Variants in COL16A1 observed in about 807,000 individuals in gnomAD.
COL16A1 encodes collagen alpha-1(XVI) chain.
Under a neutral mutation model 266.3 loss-of-function variants are expected in COL16A1, and 189 were observed. That is an observed-to-expected ratio of 0.71 (90% confidence interval 0.63 to 0.80). The LOEUF is 0.80. Among genes scored for constraint, COL16A1 ranks in the 30% least tolerant of loss-of-function variants. The pLI is 0.00. For synonymous variants in COL16A1, 740 were observed against 782.3 expected (o/e 0.95, Z 0.90); for missense variants, 1,928 against 2,122.4 (o/e 0.91, Z 1.80).
intron 66 of COL16A1, 38 bp from the exon 67 acceptor site, chr1:31,655,540 C>T (rs1331054824): frequency 1.9e-6 from 3 of 1,608,582 alleles, no homozygotes; most frequent in African/African-American, 2.7e-5. Flanking sequence ...AAATTTACAT[C>T]ATGATGTCTC....
At chr1:31,660,954 T>C (rs934597565) in intron 61 of COL16A1, 112 bp downstream of exon 61, 13 of 1,229,956 alleles carry the variant, frequency 1.1e-5, no homozygotes, top group Admixed American at 1.0e-4. Context: ...CCCAGAAGGC[T>C]GAGGACAGAA....
rs751955971 is a variant in COL16A1 at position 31,658,539 on chromosome 1, G to T, written c.3969C>A (p.Gly1323=). 16 of 1,604,916 alleles carry T rather than the reference G, an allele frequency of 1.0e-5. No homozygotes were observed. The highest frequency in any genetic ancestry group is 6.8e-5 in the South Asian group (6 of 88,616). The part of the protein sequence containing the change: ...KGDRGATGER[G]LAGLPGQPGP... ...CGGGCTGGCCTGGGAGGCCTGCAAGGCCCCTTTCTCCGGTGGCTCCTCGGT... is the reference window on the plus strand; with the variant it reads ...CGGGCTGGCCTGGGAGGCCTGCAAGTCCCCTTTCTCCGGTGGCTCCTCGGT... Residue 1323 remains glycine (G), a synonymous_variant, in exon 64 of 71, where the codon GGC becomes GGA. Transcript: ENST00000373672.
chr1:31,690,579 G>A lies in COL16A1; in HGVS notation c.1438-6C>T. On this transcript the variant is annotated splice_region_variant and splice_polypyrimidine_tract_variant and intron_variant, in intron 20 of 70. Coordinates refer to ENST00000373672, the MANE Select transcript of COL16A1 (RefSeq NM_001856.4). ...CCTGGGATCCCCGAGCTGCCCTGTG[G>A]TCAGAAGAAAGGATAAGCGGGGAGC... 1 of 1,613,478 alleles carries A rather than the reference G, an allele frequency of 6.2e-7. No homozygotes were observed. Among genetic ancestry groups the A allele is most frequent in the Non-Finnish European group, 8.5e-7 (1 of 1,179,786 alleles).
At chr1:31,679,102 C>T in intron 42 of COL16A1, 1 of 218,292 alleles carries the variant, frequency 4.6e-6, no homozygotes, top group South Asian at 1.3e-4. Context: ...ATCCCATTTT[C>T]TATACTCACT....
At chr1:31,699,120 A>AACAG (rs1267387221) in intron 4 of COL16A1, among the ~76,000 whole-genome samples, 2 of 148,880 alleles carry the variant, frequency 1.3e-5, no homozygotes, top group Non-Finnish European at 3.0e-5. Flanking sequence ...CAACCAACCA[A>AACAG]ACAAACAAAC....
Position 31,695,076 on chromosome 1 carries a change from A to C in COL16A1, c.981+110T>G. The C allele has an allele frequency of 3.6e-6, 4 of 1,103,742 alleles. No homozygotes were observed. In the Middle Eastern group the frequency reaches 9.8e-4, roughly 271 times the overall value. The allele number at this position is 1,103,742 out of a possible 1,614,324, so 68.4% of individuals were successfully genotyped here. On this transcript the variant is annotated intron_variant, in intron 11 of 70. Coordinates refer to ENST00000373672, the MANE Select transcript of COL16A1 (RefSeq NM_001856.4). Reference sequence around the variant, plus strand: ...GAGATGGGCAGGGAGCGAGTGTGAAAGTGTACAAAGACCCCCTTGTCCTCA... The same window carrying C: ...GAGATGGGCAGGGAGCGAGTGTGAACGTGTACAAAGACCCCCTTGTCCTCA...
chr1:31,683,693 G>A lies in COL16A1; in HGVS notation c.2379+14C>T. The A allele has an allele frequency of 6.2e-7, 1 of 1,614,034 alleles. No homozygotes were observed. Among genetic ancestry groups the A allele is most frequent in the Non-Finnish European group, 8.5e-7 (1 of 1,179,976 alleles). ...GTGCTGAGAGGACAGGCAAAGGCAG[G>A]GCTAGAGACTCACCTGGGGTCCCTG... is the stretch of plus-strand genomic sequence containing the variant. On this transcript the variant is annotated intron_variant, in intron 34 of 70. Transcript: ENST00000373672.
chr1:31,665,300 C>T, intron 55 of COL16A1, 66 bp from the exon 56 acceptor site: 1 of 1,567,414 alleles, frequency 6.4e-7, no homozygotes, highest in Non-Finnish European at 8.6e-7. Flanking sequence ...CTTCTTTATT[C>T]TTCCTGTGCA....
intron 11 of COL16A1, 71 bp downstream of exon 11, chr1:31,695,115 C>T: frequency 6.4e-7 from 1 of 1,561,824 alleles, no homozygotes; most frequent in East Asian, 2.3e-5. Context: ...AGGAGGCTGC[C>T]AAGCCAGCTC....
rs757944105 is a variant in COL16A1, at chr1:31,697,105, C to T, written c.739-17G>A. On this transcript the variant is annotated splice_polypyrimidine_tract_variant and intron_variant, in intron 7 of 70. Coordinates refer to ENST00000373672, the MANE Select transcript of COL16A1 (RefSeq NM_001856.4). This position sits in a 1 kb window ranked among gnomAD's most constrained non-coding sequence, Gnocchi z 4.2. ...TGGGGGGCACTGTTTGGTGGAAGAG[C>T]GGGGCTAGGGTCAGTACAGGAGCAG... The T allele has an allele frequency of 1.7e-5, 28 of 1,613,880 alleles. No homozygotes were observed. Among genetic ancestry groups the T allele is most frequent in the African/African-American group, 6.7e-5 (5 of 74,896 alleles).
chr1:31,700,769 A>G (rs1644695783), intron 2 of COL16A1, among the ~76,000 whole-genome samples: 1 of 152,122 alleles, frequency 6.6e-6, no homozygotes, highest in Non-Finnish European at 1.5e-5. Flanking sequence ...CTGAATAACC[A>G]CCTTGTGAAA....
At chr1:31,675,334 G>GTGAGTGGGCTCCATCTCTCTA (rs1643094985) in intron 42 of COL16A1, 23 bp from the exon 43 acceptor site, 1 of 1,611,980 alleles carries the variant, frequency 6.2e-7, no homozygotes, top group Non-Finnish European at 8.5e-7. Context: ...AGAGACACGA[G>GTGAGTGGGCTCCATCTCTCTA]TGAGTGGGCT....
At position 31,656,231 on chromosome 1, in the gene COL16A1, T is replaced by G; in HGVS notation, c.4101+169A>C. 3.8e-6 allele frequency: 4 copies of G among 1,049,232 alleles called. No individual in the cohort carries two copies. Among genetic ancestry groups the G allele is most frequent in the Non-Finnish European group, 5.5e-6 (4 of 724,166 alleles). 65.0% of individuals were successfully genotyped at this position (1,049,232 alleles called of 1,614,324 possible). On this transcript the variant is annotated intron_variant, in intron 66 of 70. Transcript: ENST00000373672. This position sits in a 1 kb window ranked among gnomAD's most constrained non-coding sequence, Gnocchi z 4.2. ...TTTCCTTCCCCCCAACCACAGCTAA[T>G]GACCCCATGTGAGAAATTTTCAGAC...
chr1:31,662,368 C>G lies in COL16A1; in HGVS notation c.3647G>C (p.Gly1216Ala), dbSNP rs368512773. The G allele has an allele frequency of 3.4e-6, 5 of 1,471,326 alleles. No homozygotes were observed. The highest frequency in any genetic ancestry group is 4.6e-6 in the Non-Finnish European group (5 of 1,085,722). The allele number at this position is 1,471,326 out of a possible 1,614,324, so 91.1% of individuals were successfully genotyped here. The change falls in exon 58 of 71, where the codon GGT (glycine) becomes GCT (alanine). Residue 1216 changes from glycine (G) to alanine (A), a missense_variant. Gly to Ala is a moderately conservative substitution (Grantham distance 60). Around this residue, in one of 2 missense-constraint regions of COL16A1, gnomAD observed 1,552 missense variants for 1,637.2 expected, o/e 0.95. Transcript: ENST00000373672. ...AGGCTTGCCGTCCTTCCCATCCAAA[C>G]CATCCAGACCGGCGGGGCCCTGGAA... is the stretch of plus-strand genomic sequence containing the variant. The part of the protein sequence containing the change: ...PGIQGPAGLD[G>A]LDGKDGKPGL...
intron 23 of COL16A1, chr1:31,689,527 G>A (rs1023430186): frequency 3.4e-6 from 2 of 594,334 alleles, no homozygotes; most frequent in Non-Finnish European, 6.0e-6. Flanking sequence ...AGCCCTGGGA[G>A]GTTGCCATGG....
rs2148796287 is a variant in COL16A1 at position 31,689,089 on chromosome 1, C to T, written c.1621-4G>A. ...TGCCTTGGATGCCAGGGTCTCCCTG[C>T]AGGGTAAAAAGGTTTGTGGGCTGAG... On this transcript the variant is annotated splice_polypyrimidine_tract_variant and splice_region_variant and intron_variant, in intron 23 of 70. Coordinates refer to ENST00000373672, the MANE Select transcript of COL16A1 (RefSeq NM_001856.4). 6.2e-7 allele frequency: 1 copy of T among 1,613,700 alleles called. No individual in the cohort carries two copies. The highest frequency in any genetic ancestry group is 1.1e-5 in the South Asian group (1 of 91,074).
At position 31,692,738 on chromosome 1, in the gene COL16A1, C is replaced by G. The variant is rs368308724; in HGVS notation, c.1113+29G>C. 73 of 1,613,514 alleles carry G rather than the reference C, an allele frequency of 4.5e-5. 1 individual carries two copies. The African/African-American group carries it at 7.1e-4, about 16-fold the overall frequency. ...CCCAGGGGCTGGCCCCATATTGGCC[C>G]TGAAGCAGGCATCACCTCCAAGTCT... On this transcript the variant is annotated intron_variant, in intron 14 of 70. Transcript: ENST00000373672.
At chr1:31,653,499 C>T (rs964131530) in intron 70 of COL16A1, 100 bp downstream of exon 70, 30 of 1,372,858 alleles carry the variant, frequency 2.2e-5, no homozygotes, top group Middle Eastern at 2.5e-4. Flanking sequence ...ACTGGCCTGT[C>T]GTTATTTGGA....
chr1:31,686,299 C>T lies in COL16A1; in HGVS notation c.1804-20G>A. The T allele has an allele frequency of 6.2e-7, 1 of 1,613,274 alleles. No homozygotes were observed. The highest frequency in any genetic ancestry group is 2.2e-5 in the East Asian group (1 of 44,886). ...GTTACCCTGAGAGAAAGCACAGAAA[C>T]CATGATTAAAGAGGGGATGGAGTCT... On this transcript the variant is annotated intron_variant, in intron 26 of 70. Coordinates refer to ENST00000373672, the MANE Select transcript of COL16A1 (RefSeq NM_001856.4).
Sources: gnomAD v4.1 joint callset for allele counts (sites outside exome capture counted in the v4.1 genomes callset) on GRCh38, gnomAD v4.1.1 for gene constraint, gnomAD v4.1.1 regional missense constraint, Gnocchi (gnomAD v3.1) non-coding constraint, MANE v1.5 for transcripts, NCBI Gene and HGNC (gene_info 2026-07-23, HGNC 2026-07-21) for gene names.